GFPT1: variants seen among roughly 807,000 people sequenced by gnomAD.
GFPT1 encodes glutamine--fructose-6-phosphate transaminase 1, also known as glutamine--fructose-6-phosphate aminotransferase [isomerizing] 1.
A neutral mutation model predicts 92.0 loss-of-function variants in GFPT1; 40 were observed. The ratio of observed to expected loss-of-function variants is 0.43; its 90% CI spans 0.34 to 0.57. GFPT1 has a LOEUF of 0.57. Ranked by LOEUF, GFPT1 falls within the 20% of genes least tolerant of loss-of-function variation. The probability of loss-of-function intolerance (pLI) is 0.02; values close to 1 mark genes in which losing one functional copy is unlikely to be tolerated. For missense variants in GFPT1, 448 were observed against 869.1 expected, an observed-to-expected ratio of 0.52 and a Z score of 6.09; for synonymous variants, 269 against 280.6, an observed-to-expected ratio of 0.96 and a Z score of 0.41.
intron 13 of GFPT1, among the ~76,000 whole-genome samples, chr2:69,338,855 A>G (rs1670867212): frequency 1.5e-5 from 2 of 133,804 alleles, no homozygotes; most frequent in African/African-American, 6.0e-5. Context: ...GCTGGAGTGC[A>G]GTGGTGCCAT....
chr2:69,333,742 T>C (rs79009892), intron 15 of GFPT1, among the ~76,000 whole-genome samples: 4,654 of 152,296 alleles, frequency 0.031, 220 homozygotes, highest in East Asian at 0.18. Context: ...GGTCTGATAC[T>C]ATGAGAAACT....
At chr2:69,360,955 C>T (rs1671457983) in intron 4 of GFPT1, among the ~76,000 whole-genome samples, 1 of 151,856 alleles carries the variant, frequency 6.6e-6, no homozygotes, top group East Asian at 1.9e-4. Flanking sequence ...GGCTGGTCTC[C>T]AACTCCTAAT....
At chr2:69,372,696 G>A (rs1671780889) in intron 2 of GFPT1, among the ~76,000 whole-genome samples, 1 of 152,216 alleles carries the variant, frequency 6.6e-6, no homozygotes, top group South Asian at 2.1e-4. Context: ...TGCTGTCAAG[G>A]AAGCTAAGGA....
chr2:69,349,571 A>G (rs1293213457), intron 10 of GFPT1, among the ~76,000 whole-genome samples: 1 of 152,218 alleles, frequency 6.6e-6, no homozygotes, highest in Non-Finnish European at 1.5e-5. Context: ...TATTTCATTT[A>G]CAAATGCATG....
intron 13 of GFPT1, among the ~76,000 whole-genome samples, chr2:69,341,575 A>C (rs1049982480): frequency 9.2e-5 from 14 of 152,208 alleles, no homozygotes; most frequent in African/African-American, 3.1e-4. Flanking sequence ...CTTTCTAAGG[A>C]AACTACGTGG....
At position 69,384,791 on chromosome 2, in the gene GFPT1, AAG is replaced by A. The variant is rs1491492794; in HGVS notation, c.7+2272_7+2273del. ...AGAAAGAAAGAAAAAGAAAGAAAGAAAGAAAAGAAAAGAAAGAAGGAAAGAAA... is the reference window on the plus strand; with the variant it reads ...AGAAAGAAAGAAAAAGAAAGAAAGAAAAAAGAAAAGAAAGAAGGAAAGAAA... On this transcript the variant is annotated intron_variant, in intron 1 of 19. Coordinates refer to ENST00000357308, the MANE Select transcript of GFPT1 (RefSeq NM_001244710.2). Among the ~76,000 whole-genome samples, 701 of 150,240 alleles carry A rather than the reference AAG, an allele frequency of 4.7e-3. 10 individuals are homozygous for A. The highest frequency in any genetic ancestry group is 0.012 in the Admixed American group (178 of 15,130).
rs1183645720 is a variant in GFPT1, at chr2:69,326,971, G to A, written c.1998C>T (p.Leu666=). Residue 666 remains leucine (L), a synonymous_variant, in exon 19 of 20, where the codon CTC becomes CTT. Coordinates refer to ENST00000357308, the MANE Select transcript of GFPT1 (RefSeq NM_001244710.2). The part of the protein sequence containing the change: ...PHSVDCLQGI[L]SVIPLQLLAF... ...CCAGCAACTGTAAAGGGATCACGCT[G>A]AGAATGCCCTGCAAGCAGTCCACTG... is the stretch of plus-strand genomic sequence containing the variant. 3.7e-6 allele frequency: 6 copies of A among 1,614,224 alleles called. No homozygotes were observed. In the Admixed American group the frequency reaches 5.0e-5, roughly 13 times the overall value.
chr2:69,356,753 T>C (rs1671348065), intron 6 of GFPT1, among the ~76,000 whole-genome samples, 196 bp from the exon 7 acceptor site: 2 of 152,188 alleles, frequency 1.3e-5, no homozygotes, highest in Middle Eastern at 3.4e-3. Flanking sequence ...TTTTTTTTTT[T>C]TTTGAGATGG....
chr2:69,337,217 T>G (rs1454046180), intron 15 of GFPT1, among the ~76,000 whole-genome samples: 1 of 151,830 alleles, frequency 6.6e-6, no homozygotes, highest in African/African-American at 2.4e-5. Context: ...AGGCACGTGC[T>G]ACCACACCTG....
At position 69,372,836 on chromosome 2, in the gene GFPT1, A is replaced by ACTGCTGTGTTCTGAGG. The variant is rs569085601; in HGVS notation, c.115+1169_115+1170insCCTCAGAACACAGCAG. Among the ~76,000 whole-genome samples, 37 of 152,340 alleles carry ACTGCTGTGTTCTGAGG rather than the reference A, an allele frequency of 2.4e-4. No homozygotes were observed. The East Asian group carries it at 6.7e-3, about 28-fold the overall frequency. On this transcript the variant is annotated intron_variant, in intron 2 of 19. Coordinates refer to ENST00000357308, the MANE Select transcript of GFPT1 (RefSeq NM_001244710.2). Reference sequence around the variant, plus strand: ...AAAAAGAGTTAACACAGCAGGTGTGAAACTGCTATCCTCAGAAAGGCCTGT... The same window carrying ACTGCTGTGTTCTGAGG: ...AAAAAGAGTTAACACAGCAGGTGTGACTGCTGTGTTCTGAGGAACTGCTATCCTCAGAAAGGCCTGT...
intron 1 of GFPT1, among the ~76,000 whole-genome samples, chr2:69,384,777 A>AAAAG (rs137892148): frequency 0.13 from 18,967 of 148,884 alleles, 1,343 homozygotes; most frequent in Non-Finnish European, 0.16. Flanking sequence ...GAAAGAAAGA[A>AAAAG]AAAGAAAGAA....
chr2:69,383,955 G>A (rs753538382), intron 1 of GFPT1, among the ~76,000 whole-genome samples: 2 of 152,234 alleles, frequency 1.3e-5, no homozygotes, highest in South Asian at 4.1e-4. Flanking sequence ...ATACACCGTC[G>A]AATCAGAAGG....
rs574575073 is a variant in GFPT1 at position 69,370,335 on chromosome 2, G to A, written c.116-227C>T. Among the ~76,000 whole-genome samples the A allele has an allele frequency of 3.0e-3, 450 of 152,150 alleles. 3 individuals are homozygous for A. The highest frequency in any genetic ancestry group is 8.5e-3 in the African/African-American group (354 of 41,498). On this transcript the variant is annotated intron_variant, in intron 2 of 19. Coordinates refer to ENST00000357308, the MANE Select transcript of GFPT1 (RefSeq NM_001244710.2). Reference sequence around the variant, plus strand: ...CTGTCCTCAAATTTCTAAGTCTATCGAGAAGACAGACAAGGAAAAAATAAT... The same window carrying A: ...CTGTCCTCAAATTTCTAAGTCTATCAAGAAGACAGACAAGGAAAAAATAAT...
intron 2 of GFPT1, among the ~76,000 whole-genome samples, chr2:69,370,924 C>G (rs1282834795): frequency 6.6e-6 from 1 of 151,594 alleles, no homozygotes; most frequent in African/African-American, 2.4e-5. Context: ...GGCTTGAACC[C>G]GAGAGGTGGA....
chr2:69,341,724 G>A (rs1670957158), intron 13 of GFPT1, among the ~76,000 whole-genome samples: 1 of 151,942 alleles, frequency 6.6e-6, no homozygotes, highest in Admixed American at 6.6e-5. Flanking sequence ...AAAAAAAGCA[G>A]ACTACCTTTC....
chr2:69,341,297 A>G (rs1004753403), intron 13 of GFPT1, among the ~76,000 whole-genome samples: 6 of 152,014 alleles, frequency 3.9e-5, no homozygotes, highest in African/African-American at 1.4e-4. Context: ...CATTACATAG[A>G]CTTTCTGTTT....
chr2:69,335,999 A>G lies in GFPT1; in HGVS notation c.1482+1899T>C, dbSNP rs1470480000. Among the ~76,000 whole-genome samples, 7 of 147,424 alleles carry G rather than the reference A, an allele frequency of 4.7e-5. No homozygotes were observed. In the Admixed American group the frequency reaches 4.8e-4, roughly 10 times the overall value. Reference sequence around the variant, plus strand: ...CCATGAGCACCACTGCACTCTATGTACTCTGGATGATAAAGAGGAGAGACC... The same window carrying G: ...CCATGAGCACCACTGCACTCTATGTGCTCTGGATGATAAAGAGGAGAGACC... On this transcript the variant is annotated intron_variant, in intron 15 of 19. Coordinates refer to ENST00000357308, the MANE Select transcript of GFPT1 (RefSeq NM_001244710.2).
chr2:69,335,816 T>C (rs1028832792), intron 15 of GFPT1, among the ~76,000 whole-genome samples: 5 of 151,336 alleles, frequency 3.3e-5, no homozygotes, highest in Non-Finnish European at 7.4e-5. Context: ...AGCCCAAGAG[T>C]TCGAGACTGG....
chr2:69,329,354 C>G lies in GFPT1; in HGVS notation c.1668G>C (p.Lys556Asn). Residue 556 changes from lysine to asparagine, a missense_variant, in exon 17 of 20, where the codon AAG becomes AAC. Around this residue, in one of 7 missense-constraint regions of GFPT1, gnomAD observed 73 missense variants for 103.5 expected, o/e 0.71. Coordinates refer to ENST00000357308, the MANE Select transcript of GFPT1 (RefSeq NM_001244710.2). ...AGCCTCGTCCCATTATCAGAACTGA[C>G]TTCTGATGATAAAGTTCTGTTGCTA... ...QKLATELYHQKSVLIMGRGYH... is the reference protein window; with the variant it reads ...QKLATELYHQNSVLIMGRGYH... The G allele has an allele frequency of 6.2e-7, 1 of 1,609,552 alleles. No individual in the cohort carries two copies. Among genetic ancestry groups the G allele is most frequent in the Non-Finnish European group, 8.5e-7 (1 of 1,175,830 alleles).
Sources: allele counts gnomAD v4.1 joint callset (sites outside exome capture counted in the v4.1 genomes callset), GRCh38; gene constraint gnomAD v4.1.1; regional missense constraint gnomAD v4.1.1; transcripts MANE v1.5; gene names NCBI Gene and HGNC (gene_info 2026-07-23, HGNC 2026-07-21).